The following TMEM41B variants were observed in gnomAD, a reference collection of about 807,000 sequenced individuals.
TMEM41B encodes transmembrane protein 41B.
TMEM41B carries 18 observed loss-of-function variants against 31.9 expected under a neutral mutation model. The ratio of observed to expected loss-of-function variants is 0.56; its 90% CI spans 0.39 to 0.84. The LOEUF (loss-of-function observed/expected upper bound fraction) is 0.84. Among genes scored for constraint, TMEM41B ranks in the 40% least tolerant of loss-of-function variants. The pLI is 0.00. For missense variants in TMEM41B, 322 were observed against 348.0 expected, an observed-to-expected ratio of 0.93 and a Z score of 0.59; for synonymous variants, 144 against 124.3, an observed-to-expected ratio of 1.16 and a Z score of -1.05.
intron 1 of TMEM41B, among the ~76,000 whole-genome samples, chr11:9,305,979 CTTTTTTT>C (rs746744551): frequency 2.5e-5 from 3 of 118,004 alleles, no homozygotes; most frequent in African/African-American, 6.4e-5. Flanking sequence ...CAGCACTTTT[CTTTTTTT>C]TTTTTTTTTT....
rs56313114 is a variant in TMEM41B at position 9,282,940 on chromosome 11, G to GAAAAAAAAA, written c.*475_*483dup. ...CAGAGCTAGACTCCGTCTCAAAACAGAAAAAAAAAAAAAAAAAAAAAGAGG... is the reference window on the plus strand; with the variant it reads ...CAGAGCTAGACTCCGTCTCAAAACAGAAAAAAAAAAAAAAAAAAAAAAAAAAAAAAGAGG... On this transcript the variant is annotated 3_prime_UTR_variant, in exon 7 of 7. Transcript: ENST00000528080. The GAAAAAAAAA allele has an allele frequency of 2.2e-5, 2 of 92,602 alleles. No individual in the cohort carries two copies. The highest frequency in any genetic ancestry group is 7.8e-5 in the African/African-American group (2 of 25,764). 5.7% of individuals were successfully genotyped at this position (92,602 alleles called of 1,614,324 possible).
chr11:9,305,824 C>T (rs1040801362), intron 1 of TMEM41B, among the ~76,000 whole-genome samples: 1 of 151,848 alleles, frequency 6.6e-6, no homozygotes, highest in Non-Finnish European at 1.5e-5. Flanking sequence ...AAAACCATTA[C>T]TAATTTTTTT....
intron 1 of TMEM41B, among the ~76,000 whole-genome samples, chr11:9,312,903 CAA>C (rs36030741): frequency 4.3e-3 from 413 of 95,278 alleles, no homozygotes; most frequent in Middle Eastern, 0.018. Context: ...GACTCCGTCT[CAA>C]AAAAAAAAAA....
At chr11:9,298,408 G>A (rs2133629521) in intron 2 of TMEM41B, among the ~76,000 whole-genome samples, 1 of 148,316 alleles carries the variant, frequency 6.7e-6, no homozygotes, top group South Asian at 2.1e-4. Flanking sequence ...GCAGTGGGCT[G>A]AGATGGCACC....
chr11:9,288,345 G>C, intron 4 of TMEM41B, 97 bp downstream of exon 4: 1 of 826,496 alleles, frequency 1.2e-6, no homozygotes, highest in Non-Finnish European at 1.8e-6. Flanking sequence ...CAATTAATGA[G>C]TTTATGCTTA....
chr11:9,313,638 T>C (rs1174510418), intron 1 of TMEM41B, among the ~76,000 whole-genome samples: 1 of 152,206 alleles, frequency 6.6e-6, no homozygotes, highest in Non-Finnish European at 1.5e-5. Flanking sequence ...AAATAAACTT[T>C]AGAATGAGTG....
At chr11:9,284,847 T>C (rs1018282397) in intron 6 of TMEM41B, among the ~76,000 whole-genome samples, 1 of 152,066 alleles carries the variant, frequency 6.6e-6, no homozygotes, top group African/African-American at 2.4e-5. Context: ...AAGAGAGCAG[T>C]GTATACAAAA....
intron 6 of TMEM41B, among the ~76,000 whole-genome samples, chr11:9,284,332 AAG>A (rs914569773): frequency 3.3e-5 from 5 of 151,802 alleles, no homozygotes; most frequent in Non-Finnish European, 5.9e-5. Flanking sequence ...ATTTTTTGTC[AAG>A]AGAGGGGGTT....
chr11:9,311,766 C>T lies in TMEM41B; in HGVS notation c.121+2555G>A, dbSNP rs1853567562. 21 of 609,324 alleles carry T rather than the reference C, an allele frequency of 3.4e-5. 1 individual carries two copies. The South Asian group carries it at 3.9e-4, about 11-fold the overall frequency. 37.7% of individuals were successfully genotyped at this position (609,324 alleles called of 1,614,324 possible). ...TCAAGAGCTTCTTAACTAGTTTCAC[C>T]TCCTGTCTGCTCTCTCATCTTCATC... is the stretch of plus-strand genomic sequence containing the variant. On this transcript the variant is annotated intron_variant, in intron 1 of 6. Transcript: ENST00000528080.
At chr11:9,308,377 T>TTAA (rs1564968487) in intron 1 of TMEM41B, among the ~76,000 whole-genome samples, 1 of 152,122 alleles carries the variant, frequency 6.6e-6, no homozygotes, top group African/African-American at 2.4e-5. Flanking sequence ...CAATAAATCA[T>TTAA]TAAGATGGAG....
At chr11:9,285,167 C>T (rs1852809586) in intron 6 of TMEM41B, among the ~76,000 whole-genome samples, 1 of 150,792 alleles carries the variant, frequency 6.6e-6, no homozygotes. Context: ...TCACTGCAAC[C>T]TCTGCCTCCT....
chr11:9,307,009 T>C (rs1853414393), intron 1 of TMEM41B, among the ~76,000 whole-genome samples: 2 of 152,202 alleles, frequency 1.3e-5, no homozygotes, highest in African/African-American at 4.8e-5. Flanking sequence ...TTTCTCCATA[T>C]ACTCAACATC....
chr11:9,299,476 G>A (rs1030318233), intron 2 of TMEM41B, 108 bp downstream of exon 2: 1 of 740,916 alleles, frequency 1.3e-6, no homozygotes, highest in Non-Finnish European at 2.2e-6. Context: ...ACCCACCTCG[G>A]CCTCCCAAAG....
intron 3 of TMEM41B, among the ~76,000 whole-genome samples, chr11:9,293,170 T>C (rs528880693): frequency 3.2e-4 from 48 of 152,244 alleles, no homozygotes; most frequent in Non-Finnish European, 6.2e-4. Flanking sequence ...AGAGGCTAAA[T>C]GCTTCGCTGT....
chr11:9,301,684 G>C (rs1464262893), intron 1 of TMEM41B, among the ~76,000 whole-genome samples: 1 of 152,082 alleles, frequency 6.6e-6, no homozygotes, highest in Non-Finnish European at 1.5e-5. Context: ...CCCAGGGTTG[G>C]ACACCTCACC....
At chr11:9,291,698 C>A (rs1852963941) in intron 3 of TMEM41B, among the ~76,000 whole-genome samples, 1 of 150,676 alleles carries the variant, frequency 6.6e-6, no homozygotes, top group Non-Finnish European at 1.5e-5. Flanking sequence ...CACGCCCGGC[C>A]AATTCCTTTT....
At chr11:9,286,018 G>A (rs941333313) in intron 6 of TMEM41B, among the ~76,000 whole-genome samples, 2 of 152,146 alleles carry the variant, frequency 1.3e-5, no homozygotes, top group Non-Finnish European at 2.9e-5. Context: ...GGGAGGCTGA[G>A]GCAGGAGAAT....
At chr11:9,295,418 A>C in intron 2 of TMEM41B, 31 bp from the exon 3 acceptor site, 1 of 1,379,368 alleles carries the variant, frequency 7.2e-7, no homozygotes, top group Non-Finnish European at 1.0e-6. Flanking sequence ...ATTTTAGAAC[A>C]GAATTTTGCC....
chr11:9,290,286 G>C (rs1322475359), intron 3 of TMEM41B, among the ~76,000 whole-genome samples: 1 of 152,110 alleles, frequency 6.6e-6, no homozygotes. Flanking sequence ...CCAAGGCAGG[G>C]GAATCGCTTG....
Sources: gnomAD v4.1 joint callset for allele counts (sites outside exome capture counted in the v4.1 genomes callset) on GRCh38, gnomAD v4.1.1 for gene constraint, MANE v1.5 for transcripts, NCBI Gene and HGNC (gene_info 2026-07-23, HGNC 2026-07-21) for gene names.